MOB1B: variants seen among roughly 807,000 people sequenced by gnomAD.
The protein encoded by MOB1B is MOB kinase activator 1B.
Under a neutral mutation model 24.4 loss-of-function variants are expected in MOB1B, and 19 were observed. That is an observed-to-expected ratio of 0.78 (90% CI 0.54 to 1.14). The LOEUF is 1.14. Among genes scored for constraint, MOB1B ranks in the 50% most tolerant of loss-of-function variants. MOB1B has a pLI of 0.00. For missense variants in MOB1B, 243 were observed against 259.6 expected (o/e 0.94, Z 0.44); for synonymous variants, 76 against 82.1 (o/e 0.93, Z 0.40).
intron 1 of MOB1B, among the ~76,000 whole-genome samples, chr4:70,928,351 A>G (rs889832142): frequency 1.3e-5 from 2 of 149,550 alleles, no homozygotes; most frequent in African/African-American, 2.5e-5. Context: ...GCTGGAATGC[A>G]GTAGTGTGAT....
chr4:70,960,091 T>G (rs1432610895), intron 2 of MOB1B, among the ~76,000 whole-genome samples: 1 of 151,902 alleles, frequency 6.6e-6, no homozygotes, highest in Non-Finnish European at 1.5e-5. Context: ...ACCATGTTGG[T>G]CAGGCTGGTC....
At chr4:70,953,204 G>T (rs1352487991) in intron 1 of MOB1B, among the ~76,000 whole-genome samples, 1 of 152,030 alleles carries the variant, frequency 6.6e-6, no homozygotes, top group Non-Finnish European at 1.5e-5. Context: ...CTCCCAAAGT[G>T]CTGGGATTAC....
chr4:70,976,218 A>G (rs1738988125), intron 4 of MOB1B: 1 of 984,984 alleles, frequency 1.0e-6, no homozygotes, highest in African/African-American at 1.7e-5. Context: ...TATCTAGGAT[A>G]GTAACAAAAT....
chr4:70,978,871 A>G (rs1431256798), intron 4 of MOB1B, among the ~76,000 whole-genome samples: 1 of 152,194 alleles, frequency 6.6e-6, no homozygotes, highest in East Asian at 1.9e-4. Flanking sequence ...GTTTCATTTT[A>G]GAAATGTGGT....
intron 1 of MOB1B, among the ~76,000 whole-genome samples, chr4:70,929,827 A>G (rs1041538615): frequency 6.6e-6 from 1 of 151,866 alleles, no homozygotes; most frequent in Admixed American, 6.6e-5. Context: ...TTGTATTTTT[A>G]GTAGAGACGG....
intron 1 of MOB1B, among the ~76,000 whole-genome samples, chr4:70,920,147 C>G (rs1736364820): frequency 6.6e-6 from 1 of 152,208 alleles, no homozygotes; most frequent in African/African-American, 2.4e-5. Flanking sequence ...ACTCAAGTCA[C>G]ATGAACTAGA....
At chr4:70,947,800 G>T (rs968607241) in intron 1 of MOB1B, among the ~76,000 whole-genome samples, 2 of 151,912 alleles carry the variant, frequency 1.3e-5, no homozygotes, top group African/African-American at 4.8e-5. Context: ...GTAGAGATAG[G>T]GTTTCAACAT....
chr4:70,915,469 C>A (rs13119998), intron 1 of MOB1B, among the ~76,000 whole-genome samples: 2 of 152,132 alleles, frequency 1.3e-5, no homozygotes, highest in Non-Finnish European at 2.9e-5. Flanking sequence ...TTAGTTACTT[C>A]GAGTATGCCC....
At chr4:70,980,865 A>G (rs1003219926) in intron 5 of MOB1B, among the ~76,000 whole-genome samples, 4 of 152,160 alleles carry the variant, frequency 2.6e-5, no homozygotes, top group South Asian at 2.1e-4. Flanking sequence ...GCATGTGGAC[A>G]TTACCCAAAG....
rs1406825442 is a variant in MOB1B at position 70,986,238 on chromosome 4, T to C, written c.*4181T>C. The C allele has an allele frequency of 6.6e-6, 1 of 152,178 alleles. No individual in the cohort carries two copies. Among genetic ancestry groups the C allele is most frequent in the Non-Finnish European group, 1.5e-5 (1 of 68,014 alleles). The allele number at this position is 152,178 out of a possible 1,614,324, so 9.4% of individuals were successfully genotyped here. A position where few individuals can be genotyped will look rare whatever the true frequency, so the allele number is the denominator to read the frequency against. ...GTGGATCCAATATTTAAGATAGAAG[T>C]AGTTTAAGGAGACAACAGCCTTTAC... On this transcript the variant is annotated 3_prime_UTR_variant, in exon 6 of 6. Coordinates refer to ENST00000309395, the MANE Select transcript of MOB1B (RefSeq NM_173468.4).
intron 1 of MOB1B, among the ~76,000 whole-genome samples, chr4:70,939,853 C>T (rs905224679): frequency 3.9e-5 from 6 of 152,214 alleles, no homozygotes; most frequent in Non-Finnish European, 5.9e-5. Context: ...AATTGGATCA[C>T]AGGTGGACTT....
intron 1 of MOB1B, among the ~76,000 whole-genome samples, chr4:70,932,478 G>A (rs536549855): frequency 1.6e-4 from 24 of 152,094 alleles, no homozygotes; most frequent in Admixed American, 7.2e-4. Context: ...ATTGATCTTT[G>A]TGCCAGGCAT....
At chr4:70,905,114 C>G (rs1578337210) in intron 1 of MOB1B, among the ~76,000 whole-genome samples, 2 of 152,104 alleles carry the variant, frequency 1.3e-5, no homozygotes, top group South Asian at 4.1e-4. Flanking sequence ...CAGTTTTGGT[C>G]TTTGTCTACC....
chr4:70,933,132 T>G (rs377158569), intron 1 of MOB1B, among the ~76,000 whole-genome samples: 10 of 152,122 alleles, frequency 6.6e-5, no homozygotes, highest in African/African-American at 2.2e-4. Context: ...CAAGCACTTC[T>G]TCACATGGTG....
In MOB1B at chr4:70,975,266, C is replaced by G. The variant is rs140427584; in HGVS notation, c.389C>G (p.Thr130Arg). 2 of 1,612,574 alleles carry G rather than the reference C, an allele frequency of 1.2e-6. No individual in the cohort carries two copies. Among genetic ancestry groups the G allele is most frequent in the African/African-American group, 2.7e-5 (2 of 74,932 alleles). Residue 130 changes from threonine to arginine, a missense_variant, in exon 4 of 6, where the codon ACG becomes AGG. Transcript: ENST00000309395. ...TWVQDQLDDE[T>R]LFPSKIGVPF... ...GTTCAGGACCAGTTGGATGATGAGA[C>G]GTTATTTCCATCAAAAATTGGTATA...
intron 2 of MOB1B, among the ~76,000 whole-genome samples, chr4:70,965,520 G>A (rs1008663022): frequency 1.3e-5 from 2 of 151,058 alleles, no homozygotes; most frequent in Non-Finnish European, 2.9e-5. Flanking sequence ...AAGAGAGGCC[G>A]GGCGCGGTGG....
chr4:70,957,751 TTA>T (rs1738126955), intron 1 of MOB1B, among the ~76,000 whole-genome samples: 1 of 141,850 alleles, frequency 7.0e-6, no homozygotes, highest in African/African-American at 3.0e-5. Context: ...GCTCCCTGCC[TTA>T]TTTTTTTTTT....
At chr4:70,958,346 TA>T (rs559591715) in intron 1 of MOB1B, among the ~76,000 whole-genome samples, 33 of 152,018 alleles carry the variant, frequency 2.2e-4, no homozygotes, top group Non-Finnish European at 4.4e-4. Flanking sequence ...TTTGCATTTT[TA>T]GTAGAGATGG....
intron 1 of MOB1B, among the ~76,000 whole-genome samples, chr4:70,954,162 G>C (rs976510284): frequency 6.6e-6 from 1 of 152,154 alleles, no homozygotes; most frequent in Non-Finnish European, 1.5e-5. Context: ...ATTCAGTCTT[G>C]AGGGATAGAA....
Sources: gnomAD v4.1 joint callset for allele counts (sites outside exome capture counted in the v4.1 genomes callset) on GRCh38, gnomAD v4.1.1 for gene constraint, MANE v1.5 for transcripts, NCBI Gene and HGNC (gene_info 2026-07-23, HGNC 2026-07-21) for gene names.